GRM8: variants seen among roughly 807,000 people sequenced by gnomAD.
GRM8 encodes the protein metabotropic glutamate receptor 8.
In GRM8, 47 loss-of-function variants were observed where a neutral mutation model predicts 87.2. That is an observed-to-expected ratio of 0.54 (90% confidence interval 0.43 to 0.69). GRM8 has a LOEUF of 0.69. GRM8 is among the 30% of genes least tolerant of loss of function. The pLI is 0.00. For missense variants in GRM8, 1,019 were observed against 1,139.2 expected, an observed-to-expected ratio of 0.89 and a Z score of 1.52; for synonymous variants, 396 against 404.5, an observed-to-expected ratio of 0.98 and a Z score of 0.25.
At chr7:126,625,853 A>C (rs1452205280) in intron 7 of GRM8, among the ~76,000 whole-genome samples, 1 of 152,178 alleles carries the variant, frequency 6.6e-6, no homozygotes, top group East Asian at 1.9e-4. Flanking sequence ...AGGCAAGATT[A>C]GGTAATATAT....
chr7:126,855,211 T>C (rs912351166), intron 6 of GRM8, among the ~76,000 whole-genome samples: 2 of 152,170 alleles, frequency 1.3e-5, no homozygotes, highest in Admixed American at 1.3e-4. Flanking sequence ...TCATAATAGT[T>C]GTACCTTAAT....
intron 6 of GRM8, among the ~76,000 whole-genome samples, chr7:126,875,410 G>T (rs1799449876): frequency 6.6e-6 from 1 of 152,116 alleles, no homozygotes; most frequent in African/African-American, 2.4e-5. Context: ...AGAAGGGACT[G>T]TGAAAACCTC....
At chr7:126,956,833 T>C (rs1808735507) in intron 3 of GRM8, among the ~76,000 whole-genome samples, 1 of 152,226 alleles carries the variant, frequency 6.6e-6, no homozygotes, top group Admixed American at 6.5e-5. Context: ...AAGCAAACTT[T>C]ATTCTTTCAA....
intron 6 of GRM8, among the ~76,000 whole-genome samples, chr7:126,794,943 G>T (rs1821792482): frequency 6.6e-6 from 1 of 152,104 alleles, no homozygotes; most frequent in South Asian, 2.1e-4. Flanking sequence ...AAACACCAAT[G>T]GTCAGACCTC....
chr7:126,610,017 T>C (rs1798757551), intron 7 of GRM8, among the ~76,000 whole-genome samples: 1 of 152,158 alleles, frequency 6.6e-6, no homozygotes, highest in Non-Finnish European at 1.5e-5. Flanking sequence ...ATCAATGTGG[T>C]CTACTGTTGG....
chr7:126,894,693 A>G (rs1479568106), intron 6 of GRM8, among the ~76,000 whole-genome samples: 1 of 152,070 alleles, frequency 6.6e-6, no homozygotes, highest in Non-Finnish European at 1.5e-5. Flanking sequence ...ATACTGGCCC[A>G]TATACCAGGA....
chr7:126,531,886 A>G (rs188177961), intron 9 of GRM8, among the ~76,000 whole-genome samples: 10 of 152,296 alleles, frequency 6.6e-5, no homozygotes, highest in African/African-American at 2.4e-4. Context: ...ATAGCCTGGG[A>G]AATGTAATTA....
At chr7:126,458,084 T>G (rs1419813) in intron 9 of GRM8, among the ~76,000 whole-genome samples, 92,687 of 149,082 alleles carry the variant, frequency 0.62, 28,928 homozygotes, top group Middle Eastern at 0.75. Context: ...ATGAAAATAG[T>G]ATCTAAAACT....
At chr7:127,242,599 C>G in intron 2 of GRM8, 96 bp downstream of exon 2, 1 of 1,217,080 alleles carries the variant, frequency 8.2e-7, no homozygotes, top group Non-Finnish European at 1.2e-6. Context: ...TCTATGAGCA[C>G]CTTCACCATC....
intron 6 of GRM8, among the ~76,000 whole-genome samples, chr7:126,836,368 T>C (rs1795829287): frequency 6.6e-6 from 1 of 152,186 alleles, no homozygotes; most frequent in Admixed American, 6.5e-5. Context: ...ATGTTGGTGA[T>C]AGCCACTGAA....
rs138686609 is a variant in GRM8, at chr7:127,035,225, A to T, written c.727+71271T>A. On this transcript the variant is annotated intron_variant, in intron 3 of 10. Transcript: ENST00000339582. Reference sequence around the variant, plus strand: ...AAACATGACAAGATCACTAGCCCAGATCCCCTGGAAAACACCATAGAATCA... The same window carrying T: ...AAACATGACAAGATCACTAGCCCAGTTCCCCTGGAAAACACCATAGAATCA... Among the ~76,000 whole-genome samples, 349 of 152,328 alleles carry T rather than the reference A, an allele frequency of 2.3e-3. 4 individuals carry two copies. Among genetic ancestry groups the T allele is most frequent in the African/African-American group, 8.1e-3 (336 of 41,576 alleles).
At chr7:126,958,275 C>T (rs995386749) in intron 3 of GRM8, among the ~76,000 whole-genome samples, 7 of 152,270 alleles carry the variant, frequency 4.6e-5, no homozygotes, top group Non-Finnish European at 5.9e-5. Context: ...GGCTGAAAAA[C>T]GCCCCCCACT....
intron 3 of GRM8, among the ~76,000 whole-genome samples, chr7:127,014,700 T>C (rs1175294551): frequency 6.6e-6 from 1 of 152,074 alleles, no homozygotes; most frequent in Non-Finnish European, 1.5e-5. Flanking sequence ...AAAATTTGGC[T>C]TAAAATTCTT....
In GRM8 at chr7:126,490,882, G is replaced by A. The variant is rs147088756; in HGVS notation, c.2430+42070C>T. 1.3e-4 allele frequency among the ~76,000 whole-genome samples: 20 copies of A among 152,070 alleles called. No individual in the cohort carries two copies. In the East Asian group the frequency reaches 3.9e-3, roughly 30 times the overall value. ...GCCTCCCATTTTAAAAATTGGAAAA[G>A]GTAATTTAAAGAGGTTAAGTAATAT... is the stretch of plus-strand genomic sequence containing the variant. On this transcript the variant is annotated intron_variant, in intron 9 of 10. Coordinates refer to ENST00000339582, the MANE Select transcript of GRM8 (RefSeq NM_000845.3).
In GRM8 at chr7:126,769,854, T is replaced by C. The variant is rs1563169981; in HGVS notation, c.1357+11A>G. 3 of 1,543,194 alleles carry C rather than the reference T, an allele frequency of 1.9e-6. No homozygotes were observed. Among genetic ancestry groups the C allele is most frequent in the South Asian group, 1.1e-5 (1 of 89,624 alleles). On this transcript the variant is annotated intron_variant, in intron 7 of 10. Transcript: ENST00000339582. ...TTTAATGTATTTAGACACACACACG[T>C]TGTAACTTACCATTAAAATTTACAG...
intron 8 of GRM8, among the ~76,000 whole-genome samples, chr7:126,599,374 C>T (rs891119699): frequency 2.0e-5 from 3 of 152,042 alleles, no homozygotes; most frequent in Non-Finnish European, 2.9e-5. Context: ...GTGTGCTCCT[C>T]GGTTATACAT....
intron 2 of GRM8, among the ~76,000 whole-genome samples, chr7:127,218,028 T>C (rs185666449): frequency 6.6e-6 from 1 of 152,312 alleles, no homozygotes; most frequent in African/African-American, 2.4e-5. Flanking sequence ...AGCCACTGAA[T>C]TAGCATCTCT....
At chr7:126,459,094 CAT>C (rs1803586987) in intron 9 of GRM8, among the ~76,000 whole-genome samples, 1 of 150,486 alleles carries the variant, frequency 6.6e-6, no homozygotes, top group Non-Finnish European at 1.5e-5. Flanking sequence ...CTATAGTACT[CAT>C]AAACCATATC....
chr7:127,225,675 A>G (rs1485193348), intron 2 of GRM8, among the ~76,000 whole-genome samples: 1 of 148,344 alleles, frequency 6.7e-6, no homozygotes, highest in African/African-American at 2.4e-5. Context: ...GATAGATTAT[A>G]TATTTATAAT....
Sources: gnomAD v4.1 joint callset for allele counts (sites outside exome capture counted in the v4.1 genomes callset) on GRCh38, gnomAD v4.1.1 for gene constraint, MANE v1.5 for transcripts, NCBI Gene and HGNC (gene_info 2026-07-23, HGNC 2026-07-21) for gene names.